RAB3C: variants seen among roughly 807,000 people sequenced by gnomAD.
RAB3C encodes RAB3C, member RAS oncogene family.
Under a neutral mutation model 26.4 loss-of-function variants are expected in RAB3C, and 17 were observed. The observed-to-expected ratio is 0.64, with a 90% CI of 0.44 to 0.97. RAB3C has a LOEUF of 0.97. RAB3C is among the 50% of genes least tolerant of loss of function. The probability of loss-of-function intolerance (pLI) is 0.00; values close to 1 mark genes in which losing one functional copy is unlikely to be tolerated. For missense variants in RAB3C, 242 were observed against 281.9 expected (o/e 0.86, Z 1.01); for synonymous variants, 91 against 95.9 (o/e 0.95, Z 0.30).
rs1215265952 is a variant in RAB3C at position 58,858,004 on chromosome 5, T to A, written c.*6653T>A. The A allele has an allele frequency of 6.6e-6, 1 of 152,226 alleles. No homozygotes were observed. The highest frequency in any genetic ancestry group is 1.5e-5 in the Non-Finnish European group (1 of 68,034). The allele number at this position is 152,226 out of a possible 1,614,324, so 9.4% of individuals were successfully genotyped here. A position where few individuals can be genotyped will look rare whatever the true frequency, so the allele number is the denominator to read the frequency against. On this transcript the variant is annotated 3_prime_UTR_variant, in exon 5 of 5. Coordinates refer to ENST00000282878, the MANE Select transcript of RAB3C (RefSeq NM_138453.4). ...GTACTTTGCCTTTTCATTCAGTTAGTGGAGTAAGTCATGAAACCCTTAGGA... is the reference window on the plus strand; with the variant it reads ...GTACTTTGCCTTTTCATTCAGTTAGAGGAGTAAGTCATGAAACCCTTAGGA...
intron 4 of RAB3C, among the ~76,000 whole-genome samples, chr5:58,832,981 C>T (rs1743648127): frequency 1.3e-5 from 2 of 151,550 alleles, no homozygotes; most frequent in East Asian, 1.9e-4. Flanking sequence ...AGCAGGAGTA[C>T]AAAAGGAAAA....
intron 4 of RAB3C, among the ~76,000 whole-genome samples, chr5:58,841,733 A>G (rs941267542): frequency 1.3e-5 from 2 of 152,128 alleles, no homozygotes; most frequent in Non-Finnish European, 2.9e-5. Flanking sequence ...TCTTCAGTGG[A>G]AAGTCCTTCC....
chr5:58,681,294 T>C (rs1380269367), intron 2 of RAB3C, among the ~76,000 whole-genome samples: 1 of 152,170 alleles, frequency 6.6e-6, no homozygotes, highest in Non-Finnish European at 1.5e-5. Context: ...ACTTCCACAA[T>C]CATTACAGAT....
chr5:58,800,683 G>C lies in RAB3C; in HGVS notation c.372-24355G>C, dbSNP rs551000789. Among the ~76,000 whole-genome samples the C allele has an allele frequency of 9.1e-3, 1,384 of 152,208 alleles. 23 individuals carry two copies. The highest frequency in any genetic ancestry group is 0.032 in the African/African-American group (1,320 of 41,546). On this transcript the variant is annotated intron_variant, in intron 3 of 4. Coordinates refer to ENST00000282878, the MANE Select transcript of RAB3C (RefSeq NM_138453.4). ...AGGGCAGGGAAAATCACATTTTGTG[G>C]GGGACTGTCGACATTCTTCTGAATG...
chr5:58,715,721 A>C (rs1449841370), intron 2 of RAB3C, among the ~76,000 whole-genome samples: 1 of 152,144 alleles, frequency 6.6e-6, no homozygotes, highest in East Asian at 1.9e-4. Flanking sequence ...TTGTGAAGAA[A>C]GTGTAGTATC....
intron 2 of RAB3C, among the ~76,000 whole-genome samples, chr5:58,635,293 T>C (rs1330862040): frequency 6.6e-6 from 1 of 152,224 alleles, no homozygotes; most frequent in Non-Finnish European, 1.5e-5. Context: ...CTGTCTTGTT[T>C]TGTCAAACAT....
At chr5:58,804,242 A>G (rs1032161915) in intron 3 of RAB3C, among the ~76,000 whole-genome samples, 1 of 151,992 alleles carries the variant, frequency 6.6e-6, no homozygotes, top group Non-Finnish European at 1.5e-5. Flanking sequence ...GACCAGCTAT[A>G]TTTTTTAATT....
chr5:58,673,447 T>TACACACACAC (rs71604758), intron 2 of RAB3C, among the ~76,000 whole-genome samples: 61 of 146,036 alleles, frequency 4.2e-4, no homozygotes, highest in Admixed American at 6.9e-4. Context: ...GAACTAGTTA[T>TACACACACAC]ACACACACAC....
intron 3 of RAB3C, among the ~76,000 whole-genome samples, chr5:58,779,113 G>A (rs2111998933): frequency 1.3e-5 from 2 of 152,080 alleles, no homozygotes. Context: ...GCAGCCCAGA[G>A]CTGAACACTC....
chr5:58,828,705 C>A (rs1482934410), intron 4 of RAB3C, among the ~76,000 whole-genome samples: 2 of 152,170 alleles, frequency 1.3e-5, no homozygotes, highest in East Asian at 3.9e-4. Flanking sequence ...CATTCATCAA[C>A]CCAACTCAGA....
At chr5:58,778,537 T>A (rs1272568789) in intron 3 of RAB3C, among the ~76,000 whole-genome samples, 1 of 152,118 alleles carries the variant, frequency 6.6e-6, no homozygotes, top group Non-Finnish European at 1.5e-5. Flanking sequence ...AAACAGTGGA[T>A]AAAGGATAGA....
intron 3 of RAB3C, among the ~76,000 whole-genome samples, chr5:58,727,610 C>T (rs1158019394): frequency 1.3e-5 from 2 of 151,844 alleles, no homozygotes; most frequent in African/African-American, 4.8e-5. Flanking sequence ...AAGTAGCATT[C>T]AAGTTAGTGA....
At chr5:58,831,021 A>C (rs1365087770) in intron 4 of RAB3C, among the ~76,000 whole-genome samples, 1 of 152,090 alleles carries the variant, frequency 6.6e-6, no homozygotes, top group Non-Finnish European at 1.5e-5. Context: ...AACTATAGGC[A>C]TGCACCACCA....
chr5:58,585,160 A>G (rs925253374), intron 1 of RAB3C, among the ~76,000 whole-genome samples: 7 of 152,010 alleles, frequency 4.6e-5, no homozygotes, highest in Non-Finnish European at 5.9e-5. Flanking sequence ...TTTTTAGCAT[A>G]TTTAATTAAA....
intron 3 of RAB3C, chr5:58,814,750 C>T (rs1415758171): frequency 6.6e-6 from 1 of 151,996 alleles, no homozygotes; most frequent in African/African-American, 2.4e-5. Context: ...TTCTTCCTTG[C>T]ATAGAAGAAA....
intron 3 of RAB3C, among the ~76,000 whole-genome samples, chr5:58,751,556 T>G (rs1001838866): frequency 2.0e-5 from 3 of 152,190 alleles, no homozygotes; most frequent in African/African-American, 7.2e-5. Flanking sequence ...CTCCTTGGCT[T>G]TATAAAGACT....
intron 2 of RAB3C, among the ~76,000 whole-genome samples, chr5:58,679,439 G>A (rs143581914): frequency 1.1e-4 from 17 of 152,232 alleles, no homozygotes; most frequent in Non-Finnish European, 1.9e-4. Context: ...TATTTGGAGC[G>A]CTTCAATCTC....
chr5:58,827,393 T>C (rs2112062423), intron 4 of RAB3C, among the ~76,000 whole-genome samples: 1 of 152,262 alleles, frequency 6.6e-6, no homozygotes, highest in East Asian at 1.9e-4. Flanking sequence ...TATATATGTA[T>C]CTCCAAGCCA....
At chr5:58,819,431 A>G (rs191291026) in intron 3 of RAB3C, among the ~76,000 whole-genome samples, 220 of 152,290 alleles carry the variant, frequency 1.4e-3, no homozygotes, top group Middle Eastern at 6.8e-3. Flanking sequence ...GTCTTTCTCA[A>G]CTCATGGAGT....
Sources: gnomAD v4.1 joint callset for allele counts (sites outside exome capture counted in the v4.1 genomes callset) on GRCh38, gnomAD v4.1.1 for gene constraint, MANE v1.5 for transcripts, NCBI Gene and HGNC (gene_info 2026-07-23, HGNC 2026-07-21) for gene names.